FAM174A: variants seen among roughly 807,000 people sequenced by gnomAD.
FAM174A encodes membrane protein FAM174A.
Under a neutral mutation model 14.3 loss-of-function variants are expected in FAM174A, and 14 were observed. That is an observed-to-expected ratio of 0.98 (90% CI 0.65 to 1.53). FAM174A has a LOEUF of 1.53. FAM174A is among the 40% of genes most tolerant of loss of function. FAM174A has a pLI of 0.00. For synonymous variants in FAM174A, 108 were observed against 111.4 expected, an observed-to-expected ratio of 0.97 and a Z score of 0.19; for missense variants, 241 against 249.6, an observed-to-expected ratio of 0.97 and a Z score of 0.23.
intron 1 of FAM174A, among the ~76,000 whole-genome samples, chr5:100,557,081 G>C (rs1018596606): frequency 3.9e-5 from 6 of 152,154 alleles, no homozygotes; most frequent in East Asian, 3.9e-4. Context: ...CTGTGGGTTT[G>C]TCATAGATAA....
At chr5:100,581,906 T>C (rs1015407622) in intron 2 of FAM174A, among the ~76,000 whole-genome samples, 3 of 152,248 alleles carry the variant, frequency 2.0e-5, no homozygotes, top group African/African-American at 7.2e-5. Context: ...CTAATTTGCA[T>C]ATGTTTTGAG....
At chr5:100,563,179 A>C (rs146130581) in intron 2 of FAM174A, among the ~76,000 whole-genome samples, 2 of 151,892 alleles carry the variant, frequency 1.3e-5, no homozygotes, top group Non-Finnish European at 2.9e-5. Context: ...AAATATGTTC[A>C]TGAATTATAC....
At chr5:100,585,156 C>T (rs1580381220) in intron 2 of FAM174A, among the ~76,000 whole-genome samples, 1 of 152,134 alleles carries the variant, frequency 6.6e-6, no homozygotes, top group Non-Finnish European at 1.5e-5. Flanking sequence ...CTAGAGGGGA[C>T]TGTGAAATTA....
At chr5:100,572,233 C>CT (rs566594533) in intron 2 of FAM174A, among the ~76,000 whole-genome samples, 2,156 of 127,540 alleles carry the variant, frequency 0.017, 27 homozygotes, top group African/African-American at 0.036. Flanking sequence ...TATGTAATAT[C>CT]TTTTTTTTTT....
At position 100,535,869 on chromosome 5, in the gene FAM174A, C is replaced by G; in HGVS notation, c.339C>G (p.Pro113=). 6.2e-7 allele frequency: 1 copy of G among 1,613,008 alleles called. No homozygotes were observed. Among genetic ancestry groups the G allele is most frequent in the Non-Finnish European group, 8.5e-7 (1 of 1,179,926 alleles). The change falls in exon 1 of 3, where the codon CCC becomes CCG. Residue 113 remains proline (P), a synonymous_variant. Coordinates refer to ENST00000312637, the MANE Select transcript of FAM174A (RefSeq NM_198507.3). ...TGGGTGGCGGCCTTGCTGTGAGCCC[C>G]AACCCTGGCGACAAGCCCATGACCC... ...GSVGGGLAVS[P]NPGDKPMTQR... is the part of the protein sequence containing the mutation.
chr5:100,553,497 A>T (rs1022881676), intron 1 of FAM174A, among the ~76,000 whole-genome samples: 1 of 152,112 alleles, frequency 6.6e-6, no homozygotes, highest in Non-Finnish European at 1.5e-5. Flanking sequence ...CTTTGGACTG[A>T]GCAAAGACAT....
At chr5:100,582,246 C>T (rs765138976) in intron 2 of FAM174A, among the ~76,000 whole-genome samples, 6 of 151,320 alleles carry the variant, frequency 4.0e-5, no homozygotes, top group Non-Finnish European at 7.4e-5. Context: ...TTTTTAATAA[C>T]CTTCAGTATA....
At chr5:100,546,355 A>G (rs1185136070) in intron 1 of FAM174A, among the ~76,000 whole-genome samples, 2 of 152,164 alleles carry the variant, frequency 1.3e-5, no homozygotes, top group Non-Finnish European at 2.9e-5. Flanking sequence ...TCATGAGCCT[A>G]CTATGGGAAG....
intron 1 of FAM174A, among the ~76,000 whole-genome samples, chr5:100,559,004 C>A (rs1429007099): frequency 6.6e-6 from 1 of 152,046 alleles, no homozygotes; most frequent in East Asian, 1.9e-4. Flanking sequence ...TTATTCTGCT[C>A]CTTAGTTGAT....
At chr5:100,576,973 G>A (rs796222510) in intron 2 of FAM174A, among the ~76,000 whole-genome samples, 4 of 152,208 alleles carry the variant, frequency 2.6e-5, no homozygotes, top group African/African-American at 4.8e-5. Context: ...AATTACTCTC[G>A]CTTTTCTCGA....
intron 1 of FAM174A, among the ~76,000 whole-genome samples, chr5:100,552,424 G>A (rs1489000725): frequency 1.3e-5 from 2 of 151,732 alleles, no homozygotes; most frequent in Non-Finnish European, 2.9e-5. Context: ...AGCTTTGAAT[G>A]TGCTATAAAA....
intron 1 of FAM174A, among the ~76,000 whole-genome samples, chr5:100,543,568 G>A (rs956543872): frequency 2.0e-5 from 3 of 152,000 alleles, no homozygotes; most frequent in Non-Finnish European, 4.4e-5. Context: ...ATACTCTTTA[G>A]TATTTAATTA....
intron 2 of FAM174A, among the ~76,000 whole-genome samples, chr5:100,569,852 A>C (rs1177198772): frequency 1.3e-5 from 2 of 151,772 alleles, no homozygotes; most frequent in African/African-American, 2.4e-5. Flanking sequence ...ATATATATAT[A>C]TCTCCACAGT....
intron 1 of FAM174A, among the ~76,000 whole-genome samples, chr5:100,557,899 C>G (rs1212370798): frequency 3.9e-5 from 6 of 152,054 alleles, no homozygotes; most frequent in Admixed American, 3.3e-4. Flanking sequence ...CTACTGGATT[C>G]ATTGATTTTT....
chr5:100,576,803 TTAG>T (rs1746914376), intron 2 of FAM174A, among the ~76,000 whole-genome samples: 4 of 152,208 alleles, frequency 2.6e-5, no homozygotes, highest in Non-Finnish European at 5.9e-5. Context: ...CCTAATTTTG[TTAG>T]TTAGAGGCAA....
chr5:100,549,950 G>A (rs1340749854), intron 1 of FAM174A, among the ~76,000 whole-genome samples: 2 of 152,006 alleles, frequency 1.3e-5, no homozygotes, highest in African/African-American at 2.4e-5. Context: ...GTATAGGATG[G>A]CAGGAATATC....
chr5:100,562,058 A>G lies in FAM174A; in HGVS notation c.439A>G (p.Arg147Gly). The G allele has an allele frequency of 6.4e-7, 1 of 1,555,946 alleles. No individual in the cohort carries two copies. Among genetic ancestry groups the G allele is most frequent in the Non-Finnish European group, 8.7e-7 (1 of 1,145,752 alleles). The change falls in exon 2 of 3, where the codon AGA becomes GGA. Residue 147 changes from arginine to glycine, a missense_variant. Arg to Gly is a moderately radical substitution (Grantham distance 125, BLOSUM62 -2). Coordinates refer to ENST00000312637, the MANE Select transcript of FAM174A (RefSeq NM_198507.3). ...TTAATTTGTTCTATTTGATAGGATG[A>G]GAAGAAGAAACCGAAAGACTAGGAG... ...VYFVVRTVRM[R>G]RRNRKTRRYG...
rs955417536 is a variant in FAM174A at position 100,586,508 on chromosome 5, A to G, written c.*324A>G. 5.7e-6 allele frequency: 1 copy of G among 174,682 alleles called. No homozygotes were observed. The highest frequency in any genetic ancestry group is 2.4e-5 in the African/African-American group (1 of 42,468). The allele number at this position is 174,682 out of a possible 1,614,324, so 10.8% of individuals were successfully genotyped here. On this transcript the variant is annotated 3_prime_UTR_variant, in exon 3 of 3. Transcript: ENST00000312637. ...CATATGATTGTAAATTGTTTTATGTATTAATCAGTTAATGCTAATTATTTT... is the reference window on the plus strand; with the variant it reads ...CATATGATTGTAAATTGTTTTATGTGTTAATCAGTTAATGCTAATTATTTT...
intron 2 of FAM174A, 82 bp downstream of exon 2, chr5:100,562,270 T>C (rs1746541280): frequency 1.6e-6 from 2 of 1,266,006 alleles, no homozygotes; most frequent in Non-Finnish European, 2.2e-6. Context: ...TAGACTTTCA[T>C]TTAACAGCTT....
Sources: gnomAD v4.1 joint callset for allele counts (sites outside exome capture counted in the v4.1 genomes callset) on GRCh38, gnomAD v4.1.1 for gene constraint, MANE v1.5 for transcripts, NCBI Gene and HGNC (gene_info 2026-07-23, HGNC 2026-07-21) for gene names.